TAS2R1: variants seen among roughly 807,000 people sequenced by gnomAD.
The protein encoded by TAS2R1 is taste 2 receptor member 1, also known as taste receptor type 2 member 1.
For synonymous variants in TAS2R1, 141 were observed against 134.2 expected (o/e 1.05, Z -0.35); for missense variants, 370 against 353.4 (o/e 1.05, Z -0.38).
the TAS2R1 span, among the ~76,000 whole-genome samples, chr5:9,861,484 G>A: frequency 2.6e-5 from 4 of 152,170 alleles, no homozygotes; most frequent in Non-Finnish European, 4.4e-5. Context: ...CAATAAAATA[G>A]GGTGCTATCA....
At chr5:9,738,112 A>T in the TAS2R1 span, among the ~76,000 whole-genome samples, 1 of 152,140 alleles carries the variant, frequency 6.6e-6, no homozygotes, top group Non-Finnish European at 1.5e-5. Context: ...CTCCCCTCAA[A>T]CACACCCACT....
chr5:9,789,467 A>G, the TAS2R1 span, among the ~76,000 whole-genome samples: 1 of 152,248 alleles, frequency 6.6e-6, no homozygotes, highest in Admixed American at 6.5e-5. Flanking sequence ...ATCTTCTCCA[A>G]TAAAACATGG....
the TAS2R1 span, among the ~76,000 whole-genome samples, chr5:9,725,146 G>A: frequency 6.6e-6 from 1 of 152,160 alleles, no homozygotes; most frequent in Non-Finnish European, 1.5e-5. Context: ...CAGCGTGCTG[G>A]CAGTGGTGAC....
At chr5:9,853,331 C>T in the TAS2R1 span, among the ~76,000 whole-genome samples, 1 of 152,206 alleles carries the variant, frequency 6.6e-6, no homozygotes, top group East Asian at 1.9e-4. Context: ...GCAGCTCAGG[C>T]ACAGCTCACA....
chr5:9,762,015 C>A, the TAS2R1 span, among the ~76,000 whole-genome samples: 432 of 152,250 alleles, frequency 2.8e-3, 5 homozygotes, highest in East Asian at 0.042. Flanking sequence ...CTTGCACCAC[C>A]CACCATCACT....
At chr5:9,737,438 G>C in the TAS2R1 span, among the ~76,000 whole-genome samples, 1 of 152,200 alleles carries the variant, frequency 6.6e-6, no homozygotes, top group African/African-American at 2.4e-5. Context: ...TAAAATCTTT[G>C]TGTCAGGTGA....
the TAS2R1 span, among the ~76,000 whole-genome samples, chr5:9,791,116 GCTCA>G: frequency 6.6e-6 from 1 of 152,252 alleles, no homozygotes; most frequent in South Asian, 2.1e-4. Context: ...TGAACCATAT[GCTCA>G]CTAAGTTAGA....
At chr5:9,678,343 T>C (rs370657941) in intron 1 of TAS2R1, among the ~76,000 whole-genome samples, 16 of 152,260 alleles carry the variant, frequency 1.1e-4, no homozygotes, top group African/African-American at 3.1e-4. Context: ...GGAATGTAAA[T>C]TAGTTCAACA....
chr5:9,833,624 G>C, the TAS2R1 span, among the ~76,000 whole-genome samples: 1 of 151,924 alleles, frequency 6.6e-6, no homozygotes, highest in African/African-American at 2.4e-5. Context: ...AGAAGATTAA[G>C]AACAAATATC....
At position 9,636,966 on chromosome 5, in the gene TAS2R1, G is replaced by A. The variant is rs138939484; in HGVS notation, c.-80-6974C>T. 6.4e-4 allele frequency among the ~76,000 whole-genome samples: 84 copies of A among 130,832 alleles called. 2 individuals carry two copies. Among genetic ancestry groups the A allele is most frequent in the African/African-American group, 2.1e-3 (71 of 34,286 alleles). The allele number at this position is 130,832 out of a possible 152,430, so 85.8% of individuals were successfully genotyped here. A position where few individuals can be genotyped will look rare whatever the true frequency, so the allele number is the denominator to read the frequency against. ...GAGGTACTTTCTATTCATTGTGCTA[G>A]TTGTTGCCTTAATACCTTGTTTTTT... On this transcript the variant is annotated intron_variant, in intron 2 of 2. Coordinates refer to the TAS2R1 transcript ENST00000506620.
the TAS2R1 span, among the ~76,000 whole-genome samples, chr5:9,816,104 T>C: frequency 4.0e-3 from 616 of 152,302 alleles, 1 homozygote; most frequent in Non-Finnish European, 6.6e-3. Flanking sequence ...TATATGTCTT[T>C]ATCATAAAAA....
At chr5:9,796,879 T>C in the TAS2R1 span, among the ~76,000 whole-genome samples, 1 of 152,166 alleles carries the variant, frequency 6.6e-6, no homozygotes, top group East Asian at 1.9e-4. Context: ...CTGTCATATT[T>C]TCCTCCACTT....
chr5:9,652,258 A>G (rs1740321394), intron 2 of TAS2R1, among the ~76,000 whole-genome samples: 1 of 152,178 alleles, frequency 6.6e-6, no homozygotes, highest in African/African-American at 2.4e-5. Flanking sequence ...ACCCAACTAC[A>G]CATCGTCTGT....
At chr5:9,668,393 T>C (rs555975782) in intron 1 of TAS2R1, among the ~76,000 whole-genome samples, 17 of 152,106 alleles carry the variant, frequency 1.1e-4, no homozygotes, top group African/African-American at 3.6e-4. Flanking sequence ...CAATATTCAA[T>C]CAAGAAAATG....
At chr5:9,689,758 T>G (rs1331078690) in intron 1 of TAS2R1, among the ~76,000 whole-genome samples, 2 of 152,148 alleles carry the variant, frequency 1.3e-5, no homozygotes, top group African/African-American at 4.8e-5. Flanking sequence ...CTAGCTGTTA[T>G]ATATTATAAT....
intron 1 of TAS2R1, among the ~76,000 whole-genome samples, chr5:9,674,465 G>A (rs1740831209): frequency 6.6e-6 from 1 of 152,106 alleles, no homozygotes; most frequent in Non-Finnish European, 1.5e-5. Flanking sequence ...CCTGGGGCCA[G>A]ATGGTATAGG....
chr5:9,638,998 C>T lies in TAS2R1; in HGVS notation c.-80-9006G>A, dbSNP rs60761133. On this transcript the variant is annotated intron_variant, in intron 2 of 2. Coordinates refer to the TAS2R1 transcript ENST00000506620. ...CCCCCGCTCAGTGCCCAAGACCATG[C>T]GCACCCCACTGGGAAAGCAAGCATG... is the stretch of plus-strand genomic sequence containing the variant. Among the ~76,000 whole-genome samples the T allele has an allele frequency of 3.8e-3, 579 of 152,274 alleles. 12 individuals carry two copies. In the East Asian group the frequency reaches 0.06, roughly 16 times the overall value.
chr5:9,870,492 T>C, the TAS2R1 span, among the ~76,000 whole-genome samples: 6 of 152,218 alleles, frequency 3.9e-5, no homozygotes, highest in Admixed American at 1.3e-4. Context: ...GTCTCCTCCC[T>C]GTCTATATCC....
At chr5:9,661,360 A>G (rs1254942015) in intron 1 of TAS2R1, among the ~76,000 whole-genome samples, 1 of 152,190 alleles carries the variant, frequency 6.6e-6, no homozygotes, top group Non-Finnish European at 1.5e-5. Flanking sequence ...GGGCTTGACT[A>G]ATCACAGCAG....
Sources: gnomAD v4.1 joint callset for allele counts (sites outside exome capture counted in the v4.1 genomes callset) on GRCh38, gnomAD v4.1.1 for gene constraint, MANE v1.5 for transcripts, NCBI Gene and HGNC (gene_info 2026-07-23, HGNC 2026-07-21) for gene names.